The following GPC5 variants were observed in gnomAD, a reference collection of about 807,000 sequenced individuals.
The protein encoded by GPC5 is glypican 5, also known as glypican-5.
Under a neutral mutation model 53.9 loss-of-function variants are expected in GPC5, and 47 were observed. The ratio of observed to expected loss-of-function variants is 0.87; its 90% CI spans 0.69 to 1.11. GPC5 has a LOEUF of 1.11. GPC5 is among the 50% of genes most tolerant of loss of function. The probability of loss-of-function intolerance (pLI) is 0.00; values close to 1 mark genes in which losing one functional copy is unlikely to be tolerated. For synonymous variants in GPC5, 286 were observed against 263.3 expected (o/e 1.09, Z -0.84); for missense variants, 748 against 713.1 (o/e 1.05, Z -0.56).
intron 7 of GPC5, among the ~76,000 whole-genome samples, chr13:92,444,143 G>A (rs571480709): frequency 3.9e-5 from 6 of 152,272 alleles, no homozygotes; most frequent in Admixed American, 1.3e-4. Flanking sequence ...GAAATTGGAC[G>A]GATCCTGAGA....
intron 7 of GPC5, among the ~76,000 whole-genome samples, chr13:92,333,228 T>C (rs1191737221): frequency 6.6e-6 from 1 of 152,134 alleles, no homozygotes; most frequent in African/African-American, 2.4e-5. Context: ...CCCACTTCTC[T>C]TAGTAAATAT....
intron 7 of GPC5, among the ~76,000 whole-genome samples, chr13:92,418,974 A>T (rs777775637): frequency 1.1e-4 from 16 of 152,178 alleles, no homozygotes; most frequent in Non-Finnish European, 1.6e-4. Context: ...GAGAGTAAAC[A>T]TTGCTTGTCT....
At chr13:92,088,816 C>G (rs1005424400) in intron 6 of GPC5, among the ~76,000 whole-genome samples, 1 of 152,192 alleles carries the variant, frequency 6.6e-6, no homozygotes, top group African/African-American at 2.4e-5. Context: ...GGTCTTCAGG[C>G]TTCAAAGTGA....
At chr13:92,351,564 T>C (rs2043477717) in intron 7 of GPC5, among the ~76,000 whole-genome samples, 2 of 152,030 alleles carry the variant, frequency 1.3e-5, no homozygotes, top group African/African-American at 4.8e-5. Flanking sequence ...AAAAAAGTTA[T>C]TTTTCCATAT....
chr13:92,365,905 A>C (rs988004200), intron 7 of GPC5, among the ~76,000 whole-genome samples: 1 of 151,648 alleles, frequency 6.6e-6, no homozygotes. Context: ...TTAAAAAAAA[A>C]GAAAAAAGCA....
At chr13:92,385,520 ATATG>A (rs1874619985) in intron 7 of GPC5, among the ~76,000 whole-genome samples, 1 of 22,332 alleles carries the variant, frequency 4.5e-5, no homozygotes, top group African/African-American at 2.9e-4. Context: ...ATATACATAC[ATATG>A]CATATATACA....
intron 7 of GPC5, among the ~76,000 whole-genome samples, chr13:92,400,505 T>G (rs2139335849): frequency 6.6e-6 from 1 of 152,344 alleles, no homozygotes; most frequent in South Asian, 2.1e-4. Flanking sequence ...ACTCTATCCT[T>G]TTGCTTATGT....
chr13:91,950,398 G>C (rs1446603161), intron 6 of GPC5, among the ~76,000 whole-genome samples: 1 of 96,606 alleles, frequency 1.0e-5, no homozygotes, highest in Admixed American at 1.5e-4. Flanking sequence ...TTTGTGTTTT[G>C]GTTTCTACAC....
intron 7 of GPC5, among the ~76,000 whole-genome samples, chr13:92,462,252 G>A (rs922703866): frequency 6.6e-6 from 1 of 152,190 alleles, no homozygotes; most frequent in Non-Finnish European, 1.5e-5. Flanking sequence ...CGAGGTGGAA[G>A]CAGAGGCACC....
chr13:92,474,607 A>C (rs1282173354), intron 7 of GPC5, among the ~76,000 whole-genome samples: 1 of 151,906 alleles, frequency 6.6e-6, no homozygotes, highest in Non-Finnish European at 1.5e-5. Context: ...TTTTCAGACA[A>C]AGAATTAAAA....
chr13:92,626,708 A>C (rs964052263), intron 7 of GPC5, among the ~76,000 whole-genome samples: 3 of 152,198 alleles, frequency 2.0e-5, no homozygotes, highest in Non-Finnish European at 4.4e-5. Flanking sequence ...CTGTCATGTA[A>C]TTATACTAAT....
chr13:91,675,821 G>A (rs1226231217), intron 2 of GPC5, among the ~76,000 whole-genome samples: 1 of 152,182 alleles, frequency 6.6e-6, no homozygotes, highest in Non-Finnish European at 1.5e-5. Flanking sequence ...AGAGGGCAGG[G>A]GAACAAGGAG....
At chr13:92,503,684 AGACT>A (rs1193449399) in intron 7 of GPC5, among the ~76,000 whole-genome samples, 1 of 151,942 alleles carries the variant, frequency 6.6e-6, no homozygotes, top group Non-Finnish European at 1.5e-5. Flanking sequence ...AATTATAGAT[AGACT>A]ATCACTACAG....
intron 6 of GPC5, among the ~76,000 whole-genome samples, chr13:92,085,937 C>A (rs1192000275): frequency 1.3e-5 from 2 of 152,200 alleles, no homozygotes; most frequent in African/African-American, 4.8e-5. Context: ...TCACCCCGTG[C>A]TTTGCAGTCT....
intron 2 of GPC5, among the ~76,000 whole-genome samples, chr13:91,562,188 T>TAAAAAAAA (rs10603242): frequency 4.7e-4 from 21 of 45,062 alleles, no homozygotes; most frequent in East Asian, 9.3e-4. Context: ...GGAGCAACAG[T>TAAAAAAAA]AAAAAAAAAA....
chr13:92,498,852 T>G (rs1019859739), intron 7 of GPC5, among the ~76,000 whole-genome samples: 3 of 152,114 alleles, frequency 2.0e-5, no homozygotes, highest in Admixed American at 6.5e-5. Context: ...CCGGCATAGA[T>G]AAACTCCTAA....
At chr13:91,719,434 C>T (rs2036417448) in intron 3 of GPC5, among the ~76,000 whole-genome samples, 1 of 152,246 alleles carries the variant, frequency 6.6e-6, no homozygotes, top group African/African-American at 2.4e-5. Flanking sequence ...ATTATTCCAA[C>T]CTGTGTGTCT....
chr13:91,650,750 G>GTTTTGTTTTGTTTTTTTTTTT (rs1555333961), intron 2 of GPC5, among the ~76,000 whole-genome samples: 2 of 99,642 alleles, frequency 2.0e-5, no homozygotes, highest in African/African-American at 8.1e-5. Context: ...ATTCCCATAA[G>GTTTTGTTTTGTTTTTTTTTTT]TTTTTTTTTT....
At chr13:92,555,731 A>G (rs1170434119) in intron 7 of GPC5, among the ~76,000 whole-genome samples, 1 of 149,798 alleles carries the variant, frequency 6.7e-6, no homozygotes, top group Non-Finnish European at 1.5e-5. Flanking sequence ...ATATATGAAT[A>G]TATAAATTTA....
Sources: allele counts gnomAD v4.1 joint callset (sites outside exome capture counted in the v4.1 genomes callset), GRCh38; gene constraint gnomAD v4.1.1; transcripts MANE v1.5; gene names NCBI Gene and HGNC (gene_info 2026-07-23, HGNC 2026-07-21).